The following HTT variants were observed in gnomAD, a reference collection of about 807,000 sequenced individuals.
HTT encodes huntingtin.
In HTT, 104 loss-of-function variants were observed where a neutral mutation model predicts 362.3. The ratio of observed to expected loss-of-function variants is 0.29; its 90% CI spans 0.24 to 0.34. The LOEUF (loss-of-function observed/expected upper bound fraction) is 0.34. Among genes scored for constraint, HTT ranks in the 10% least tolerant of loss-of-function variants. HTT has a pLI of 1.00. For synonymous variants in HTT, 1,577 were observed against 1,548.7 expected, an observed-to-expected ratio of 1.02 and a Z score of -0.43; for missense variants, 3,301 against 3,928.6, an observed-to-expected ratio of 0.84 and a Z score of 4.27.
At chr4:3,212,431 G>A in intron 48 of HTT, 133 bp from the exon 49 acceptor site, 1 of 1,175,590 alleles carries the variant, frequency 8.5e-7, no homozygotes, top group South Asian at 1.4e-5. Context: ...CCTGTGGACG[G>A]ATGTGTAGAT....
At chr4:3,238,730 G>GGGCCCCCCCCCCCCCCCCCCCC in intron 65 of HTT, 88 bp from the exon 66 acceptor site, 7 of 1,096,948 alleles carry the variant, frequency 6.4e-6, no homozygotes, top group East Asian at 2.5e-5. Context: ...AATGCCTCTG[G>GGGCCCCCCCCCCCCCCCCCCCC]CCCCCACCCC....
intron 6 of HTT, among the ~76,000 whole-genome samples, chr4:3,114,799 A>G (rs1262485191): frequency 1.3e-5 from 2 of 152,122 alleles, no homozygotes; most frequent in Admixed American, 6.6e-5. Flanking sequence ...AGTATTCCCT[A>G]ATTTCTTAGG....
intron 61 of HTT, 148 bp from the exon 62 acceptor site, chr4:3,235,135 AG>A: frequency 3.3e-6 from 2 of 611,436 alleles, no homozygotes; most frequent in South Asian, 3.8e-5. Flanking sequence ...GCCAGGTTGC[AG>A]GGGCCTGGGG....
chr4:3,099,389 A>G lies in HTT; in HGVS notation c.463A>G (p.Ile155Val). 1 of 1,613,982 alleles carries G rather than the reference A, an allele frequency of 6.2e-7. No individual in the cohort carries two copies. ...GGCTGACGAATGCCTCAACAAAGTT[A>G]TCAAAGTAAGAACCGTGTGGATGAT... is the stretch of plus-strand genomic sequence containing the variant. ...MVADECLNKV[I>V]KALMDSNLPR... Residue 155 changes from isoleucine to valine, a missense_variant, in exon 3 of 67, where the codon ATC becomes GTC. Around this residue, in one of 4 missense-constraint regions of HTT, gnomAD observed 2,316 missense variants for 2,658.5 expected, o/e 0.87. Coordinates refer to ENST00000355072, the MANE Select transcript of HTT (RefSeq NM_001388492.1).
chr4:3,082,788 G>A lies in HTT; in HGVS notation c.264-4151G>A, dbSNP rs530454381. ...GGCCTTGCTTATCTGCTGTAGGGCC[G>A]TTGAGCATTTCTGTAGCTGTGATGA... is the stretch of plus-strand genomic sequence containing the variant. On this transcript the variant is annotated intron_variant, in intron 1 of 66. Coordinates refer to ENST00000355072, the MANE Select transcript of HTT (RefSeq NM_001388492.1). Among the ~76,000 whole-genome samples, 9 of 152,264 alleles carry A rather than the reference G, an allele frequency of 5.9e-5. No homozygotes were observed. The South Asian group carries it at 1.7e-3, about 28-fold the overall frequency.
intron 2 of HTT, among the ~76,000 whole-genome samples, chr4:3,089,757 G>A (rs1231720256): frequency 6.6e-6 from 1 of 152,150 alleles, no homozygotes; most frequent in African/African-American, 2.4e-5. Context: ...GGAATTCATG[G>A]AATGTTGGCT....
At chr4:3,212,312 T>C (rs1382851840) in intron 48 of HTT, among the ~76,000 whole-genome samples, 170 bp downstream of exon 48, 1 of 152,208 alleles carries the variant, frequency 6.6e-6, no homozygotes, top group Non-Finnish European at 1.5e-5. Flanking sequence ...TCTTCCTGTG[T>C]GTTTGCCACT....
intron 3 of HTT, among the ~76,000 whole-genome samples, chr4:3,102,918 G>A (rs2110159054): frequency 6.6e-6 from 1 of 152,330 alleles, no homozygotes; most frequent in South Asian, 2.1e-4. Flanking sequence ...GATGTGCTGT[G>A]AGGAATGTGG....
rs1376692485 is a variant in HTT, at chr4:3,242,438, C to T, written c.*2379C>T. On this transcript the variant is annotated 3_prime_UTR_variant, in exon 67 of 67. Transcript: ENST00000355072. Reference sequence around the variant, plus strand: ...CACATCTATAATTTTACACACACACCTCTCAAGACGGAGATGCATGGCCTC... The same window carrying T: ...CACATCTATAATTTTACACACACACTTCTCAAGACGGAGATGCATGGCCTC... 1 of 152,192 alleles carries T rather than the reference C, an allele frequency of 6.6e-6. No homozygotes were observed. The highest frequency in any genetic ancestry group is 2.4e-5 in the African/African-American group (1 of 41,430). The allele number at this position is 152,192 out of a possible 1,614,324, so 9.4% of individuals were successfully genotyped here. A position where few individuals can be genotyped will look rare whatever the true frequency, so the allele number is the denominator to read the frequency against.
At chr4:3,136,026 T>C in intron 20 of HTT, 59 bp downstream of exon 20, 10 of 1,257,652 alleles carry the variant, frequency 8.0e-6, no homozygotes, top group Non-Finnish European at 1.1e-5. Context: ...AAGTGAGGCT[T>C]TCCTTGTGGA....
chr4:3,109,817 G>A (rs1193884161), intron 6 of HTT, among the ~76,000 whole-genome samples: 1 of 152,100 alleles, frequency 6.6e-6, no homozygotes, highest in Non-Finnish European at 1.5e-5. Context: ...AGCACCCGGG[G>A]ATCTGCTGAT....
At chr4:3,174,472 C>T (rs1718138138) in intron 31 of HTT, among the ~76,000 whole-genome samples, 1 of 152,202 alleles carries the variant, frequency 6.6e-6, no homozygotes, top group Non-Finnish European at 1.5e-5. Context: ...GAAAAAAGCT[C>T]AGACTTGAGT....
rs1315001677 is a variant in HTT, at chr4:3,199,854, G to T, written c.5491G>T (p.Ala1831Ser). Residue 1831 changes from alanine to serine, a missense_variant, in exon 41 of 67, where the codon GCC (alanine) becomes TCC (serine). Physicochemically the swap from Ala to Ser is moderately conservative, Grantham distance 99. This residue lies in a region of HTT where 2,316 missense variants were observed against 2,658.5 expected (regional missense o/e 0.87). Transcript: ENST00000355072. ...RARSMITTHP[A>S]LVLLWCQILL... ...TCGTTCCATGATCACCACCCACCCGGCCCTGGTGCTGCTCTGGTGTCAGAT... is the reference window on the plus strand; with the variant it reads ...TCGTTCCATGATCACCACCCACCCGTCCCTGGTGCTGCTCTGGTGTCAGAT... The T allele has an allele frequency of 6.2e-7, 1 of 1,614,126 alleles. No individual in the cohort carries two copies. The highest frequency in any genetic ancestry group is 1.7e-5 in the Admixed American group (1 of 60,020).
intron 57 of HTT, 90 bp downstream of exon 57, chr4:3,225,833 C>G: frequency 1.2e-6 from 1 of 826,918 alleles, no homozygotes. Flanking sequence ...GCTCAGTGCA[C>G]TTTTTAAATG....
intron 24 of HTT, 152 bp downstream of exon 24, chr4:3,145,380 A>C (rs944672899): frequency 1.6e-6 from 1 of 634,412 alleles, no homozygotes; most frequent in African/African-American, 1.8e-5. Context: ...CTGCTATATT[A>C]GCTGTGTGAG....
Position 3,243,235 on chromosome 4 carries a change from T to C in HTT, c.*3176T>C, listed in dbSNP as rs541461241. 5.2e-5 allele frequency: 8 copies of C among 152,782 alleles called. No homozygotes were observed. The highest frequency in any genetic ancestry group is 1.9e-4 in the African/African-American group (8 of 41,578). The allele number at this position is 152,782 out of a possible 1,614,324, so 9.5% of individuals were successfully genotyped here. On this transcript the variant is annotated 3_prime_UTR_variant, in exon 67 of 67. Transcript: ENST00000355072. ...TGGAGTGAGGTTAGTTCTGTGTGTC[T>C]GGTGGGTGGAGTCAGGCTTCTCTTG...
intron 10 of HTT, among the ~76,000 whole-genome samples, chr4:3,124,956 T>A (rs1394784983): frequency 6.6e-6 from 1 of 152,200 alleles, no homozygotes; most frequent in African/African-American, 2.4e-5. Context: ...AGACTGTTGG[T>A]TTCATTTGTT....
intron 40 of HTT, among the ~76,000 whole-genome samples, chr4:3,194,798 G>A (rs553112606): frequency 1.3e-5 from 2 of 152,318 alleles, no homozygotes; most frequent in East Asian, 3.9e-4. Context: ...AGGAATACTG[G>A]AAGAGAGAGA....
intron 8 of HTT, 124 bp downstream of exon 8, chr4:3,116,387 C>T (rs1377616521): frequency 7.7e-6 from 6 of 782,060 alleles, no homozygotes; most frequent in African/African-American, 5.2e-5. Flanking sequence ...CTGCGCTGCT[C>T]GTTTCCAACC....
Sources: gnomAD v4.1 joint callset for allele counts (sites outside exome capture counted in the v4.1 genomes callset) on GRCh38, gnomAD v4.1.1 for gene constraint, gnomAD v4.1.1 regional missense constraint, MANE v1.5 for transcripts, NCBI Gene and HGNC (gene_info 2026-07-23, HGNC 2026-07-21) for gene names.